Variants in R3HDM2 observed in about 807,000 individuals in gnomAD.
The protein encoded by R3HDM2 is R3H domain containing 2, also known as R3H domain-containing protein 2.
A neutral mutation model predicts 124.5 loss-of-function variants in R3HDM2; 38 were observed. The observed-to-expected ratio is 0.31, with a 90% CI of 0.24 to 0.40. R3HDM2 has a LOEUF of 0.40. R3HDM2 is among the 10% of genes least tolerant of loss of function. The pLI, the probability that R3HDM2 is intolerant of heterozygous loss-of-function variation, is 1.00. For synonymous variants in R3HDM2, 391 were observed against 448.0 expected, an observed-to-expected ratio of 0.87 and a Z score of 1.61; for missense variants, 869 against 1,236.9, an observed-to-expected ratio of 0.70 and a Z score of 4.46.
chr12:57,343,981 C>T (rs1755174347), intron 2 of R3HDM2, among the ~76,000 whole-genome samples: 1 of 152,082 alleles, frequency 6.6e-6, no homozygotes, highest in Non-Finnish European at 1.5e-5. Context: ...GAAATTTTTA[C>T]TTGAGAAATT....
chr12:57,258,309 AT>A (rs550845249), intron 20 of R3HDM2, among the ~76,000 whole-genome samples, 172 bp from the exon 21 acceptor site: 12 of 143,184 alleles, frequency 8.4e-5, no homozygotes, highest in African/African-American at 3.1e-4. Flanking sequence ...CATTTATGCT[AT>A]TTTATTTATT....
At chr12:57,364,952 C>CA (rs1214204891) in intron 2 of R3HDM2, among the ~76,000 whole-genome samples, 494 of 46,302 alleles carry the variant, frequency 0.011, 2 homozygotes, top group Middle Eastern at 0.036. Flanking sequence ...GACTCCATCT[C>CA]AAAAAAAAAA....
At chr12:57,355,591 T>G (rs555930724) in intron 2 of R3HDM2, among the ~76,000 whole-genome samples, 7 of 152,176 alleles carry the variant, frequency 4.6e-5, no homozygotes, top group Non-Finnish European at 1.0e-4. Flanking sequence ...TTTTAATTAA[T>G]GAACTTTTTA....
intron 1 of R3HDM2, chr12:57,430,481 A>ACCCCCCAGCCC: frequency 1.5e-6 from 1 of 678,910 alleles, no homozygotes; most frequent in Non-Finnish European, 1.8e-6. Context: ...AGGTGGCGCC[A>ACCCCCCAGCCC]CCCCCCTGCC....
chr12:57,370,388 T>C (rs1296470097), intron 2 of R3HDM2, among the ~76,000 whole-genome samples: 1 of 82,332 alleles, frequency 1.2e-5, no homozygotes, highest in South Asian at 4.1e-4. Flanking sequence ...CACAGCACTT[T>C]GGGAGGCCCG....
At chr12:57,351,950 G>T (rs1264572819) in intron 2 of R3HDM2, among the ~76,000 whole-genome samples, 2 of 152,052 alleles carry the variant, frequency 1.3e-5, no homozygotes, top group Non-Finnish European at 2.9e-5. Flanking sequence ...TAATTAAAAA[G>T]AAACAAAACT....
At chr12:57,375,623 G>C (rs2063949212) in intron 2 of R3HDM2, among the ~76,000 whole-genome samples, 1 of 150,834 alleles carries the variant, frequency 6.6e-6, no homozygotes, top group Non-Finnish European at 1.5e-5. Flanking sequence ...AAACAGGCTG[G>C]TTCTTTCAAA....
intron 2 of R3HDM2, among the ~76,000 whole-genome samples, chr12:57,334,339 G>A (rs537610612): frequency 2.0e-5 from 3 of 151,932 alleles, no homozygotes; most frequent in South Asian, 4.2e-4. Flanking sequence ...ACCTATTATC[G>A]AATAATAAAT....
chr12:57,349,103 G>A (rs961350975), intron 2 of R3HDM2, among the ~76,000 whole-genome samples: 5 of 151,216 alleles, frequency 3.3e-5, no homozygotes, highest in South Asian at 4.2e-4. Flanking sequence ...AATCAAGGCC[G>A]GGCATGGTGG....
chr12:57,346,331 G>A (rs1230685665), intron 2 of R3HDM2, among the ~76,000 whole-genome samples: 3 of 151,462 alleles, frequency 2.0e-5, no homozygotes, highest in African/African-American at 4.8e-5. Flanking sequence ...GGTGGCGGGC[G>A]CCTGTAATCC....
At chr12:57,414,844 A>T (rs955333475) in intron 1 of R3HDM2, among the ~76,000 whole-genome samples, 1 of 151,954 alleles carries the variant, frequency 6.6e-6, no homozygotes, top group Non-Finnish European at 1.5e-5. Context: ...AAAAAAAAAA[A>T]TACAAAAGAA....
intron 1 of R3HDM2, among the ~76,000 whole-genome samples, chr12:57,416,774 C>T (rs1360390704): frequency 6.6e-6 from 1 of 152,016 alleles, no homozygotes. Flanking sequence ...CGCCACTGCA[C>T]TCCAGCCTGG....
intron 2 of R3HDM2, among the ~76,000 whole-genome samples, chr12:57,347,305 CTG>C (rs1391170088): frequency 2.6e-5 from 4 of 151,874 alleles, no homozygotes; most frequent in South Asian, 2.1e-4. Context: ...TACCACATAT[CTG>C]TGTGTGTATA....
At chr12:57,298,661 T>C (rs2050416833) in intron 6 of R3HDM2, among the ~76,000 whole-genome samples, 1 of 150,410 alleles carries the variant, frequency 6.6e-6, no homozygotes, top group South Asian at 2.1e-4. Context: ...ATCTGCATTA[T>C]TAAAAAAAAA....
intron 9 of R3HDM2, among the ~76,000 whole-genome samples, chr12:57,295,784 C>A (rs886788939): frequency 1.3e-5 from 2 of 152,240 alleles, no homozygotes; most frequent in African/African-American, 4.8e-5. Flanking sequence ...TCTCTAGAAT[C>A]TATCTCCAAG....
chr12:57,309,058 CA>C (rs2053365510), intron 3 of R3HDM2, among the ~76,000 whole-genome samples: 1 of 152,188 alleles, frequency 6.6e-6, no homozygotes, highest in Non-Finnish European at 1.5e-5. Context: ...AGTAGAAAAG[CA>C]GGCAGCTAGA....
At position 57,314,761 on chromosome 12, in the gene R3HDM2, CAT is replaced by C. The variant is rs149957365; in HGVS notation, c.-35-4300_-35-4299del. 4.6e-3 allele frequency among the ~76,000 whole-genome samples: 704 copies of C among 152,330 alleles called. 4 individuals are homozygous for C. Among genetic ancestry groups the C allele is most frequent in the African/African-American group, 0.015 (621 of 41,588 alleles). Reference sequence around the variant, plus strand: ...AAAATTAAGTTTACATCTTTTATCACATGATAGGCCTTCAGTATTTTTCTCTT... The same window carrying C: ...AAAATTAAGTTTACATCTTTTATCACGATAGGCCTTCAGTATTTTTCTCTT... On this transcript the variant is annotated intron_variant, in intron 2 of 23. Transcript: ENST00000402412.
chr12:57,332,640 T>C (rs1002769520), intron 2 of R3HDM2, among the ~76,000 whole-genome samples: 2 of 152,138 alleles, frequency 1.3e-5, no homozygotes, highest in East Asian at 3.8e-4. Flanking sequence ...AAAAACTGTG[T>C]GAACTGAGAT....
At chr12:57,426,847 C>G (rs1474268602) in intron 1 of R3HDM2, among the ~76,000 whole-genome samples, 1 of 152,142 alleles carries the variant, frequency 6.6e-6, no homozygotes, top group Admixed American at 6.5e-5. Context: ...GAAAACCCAT[C>G]CCACCCTTCC....
Sources: gnomAD v4.1 joint callset for allele counts (sites outside exome capture counted in the v4.1 genomes callset) on GRCh38, gnomAD v4.1.1 for gene constraint, MANE v1.5 for transcripts, NCBI Gene and HGNC (gene_info 2026-07-23, HGNC 2026-07-21) for gene names.